IGFBP7: variants seen among roughly 807,000 people sequenced by gnomAD.
The protein encoded by IGFBP7 is insulin-like growth factor-binding protein 7.
In IGFBP7, 31 loss-of-function variants were observed where a neutral mutation model predicts 29.4. The ratio of observed to expected loss-of-function variants is 1.05; its 90% confidence interval spans 0.79 to 1.42. The LOEUF is 1.42. Among genes scored for constraint, IGFBP7 ranks in the 40% most tolerant of loss-of-function variants. The probability of loss-of-function intolerance (pLI) is 0.00; values close to 1 mark genes in which losing one functional copy is unlikely to be tolerated. For synonymous variants in IGFBP7, 172 were observed against 174.9 expected, an observed-to-expected ratio of 0.98 and a Z score of 0.13; for missense variants, 393 against 395.5, an observed-to-expected ratio of 0.99 and a Z score of 0.05.
chr4:57,098,869 C>G (rs1436331300), intron 1 of IGFBP7, among the ~76,000 whole-genome samples: 1 of 152,180 alleles, frequency 6.6e-6, no homozygotes, highest in Non-Finnish European at 1.5e-5. Context: ...GTTCCTGGAG[C>G]AGAAAGTTCT....
chr4:57,098,228 G>A (rs764528196), intron 1 of IGFBP7, among the ~76,000 whole-genome samples: 1 of 152,142 alleles, frequency 6.6e-6, no homozygotes, highest in Non-Finnish European at 1.5e-5. Context: ...GGACCGAGCA[G>A]GACTCACCAT....
At chr4:57,074,921 A>G (rs372907327) in intron 1 of IGFBP7, among the ~76,000 whole-genome samples, 66 of 152,336 alleles carry the variant, frequency 4.3e-4, no homozygotes, top group African/African-American at 1.6e-3. Context: ...GAGTTATTAA[A>G]TCTGGTTGGA....
At chr4:57,074,343 G>T (rs1725142962) in intron 1 of IGFBP7, among the ~76,000 whole-genome samples, 1 of 152,184 alleles carries the variant, frequency 6.6e-6, no homozygotes, top group Admixed American at 6.5e-5. Flanking sequence ...TTACAGGCGT[G>T]AGCCACCTCG....
chr4:57,038,873 C>T (rs1405932224), intron 2 of IGFBP7, among the ~76,000 whole-genome samples: 1 of 151,920 alleles, frequency 6.6e-6, no homozygotes, highest in African/African-American at 2.4e-5. Context: ...TCGAGACCAG[C>T]CTGACCAACA....
At chr4:57,036,703 A>G (rs563732778) in intron 2 of IGFBP7, among the ~76,000 whole-genome samples, 20 of 152,292 alleles carry the variant, frequency 1.3e-4, no homozygotes, top group Admixed American at 1.2e-3. Context: ...GGCTGTGCCA[A>G]CCGTAAGAAT....
chr4:57,099,280 C>A (rs1039406122), intron 1 of IGFBP7, among the ~76,000 whole-genome samples: 2 of 152,114 alleles, frequency 1.3e-5, no homozygotes, highest in Non-Finnish European at 2.9e-5. Flanking sequence ...CTTTTTTCTT[C>A]TCCCTCAAAA....
chr4:57,031,482 T>C (rs1723925554), intron 4 of IGFBP7, 146 bp from the exon 5 acceptor site: 1 of 662,558 alleles, frequency 1.5e-6, no homozygotes, highest in Non-Finnish European at 2.6e-6. Context: ...ATAAATGATA[T>C]GCTGGAGTGC....
chr4:57,048,486 G>A (rs183663980), intron 1 of IGFBP7, among the ~76,000 whole-genome samples: 1 of 152,308 alleles, frequency 6.6e-6, no homozygotes, highest in Admixed American at 6.5e-5. Flanking sequence ...TTTTATAGAT[G>A]GATGGATTTA....
intron 1 of IGFBP7, among the ~76,000 whole-genome samples, chr4:57,041,687 C>A (rs369856835): frequency 1.4e-3 from 211 of 152,200 alleles, no homozygotes; most frequent in Non-Finnish European, 2.6e-3. Context: ...AGGCGTGCAC[C>A]ACCATGTCAG....
intron 1 of IGFBP7, among the ~76,000 whole-genome samples, chr4:57,074,582 C>T (rs1227686670): frequency 2.6e-5 from 4 of 152,128 alleles, no homozygotes; most frequent in African/African-American, 9.7e-5. Flanking sequence ...TCACTTTTGC[C>T]CAGACTCTCC....
intron 1 of IGFBP7, among the ~76,000 whole-genome samples, chr4:57,077,952 T>C (rs181642285): frequency 1.3e-5 from 2 of 152,322 alleles, no homozygotes; most frequent in Admixed American, 1.3e-4. Flanking sequence ...AAATCGGCAC[T>C]ATTACTTACA....
rs1051276112 is a variant in IGFBP7, at chr4:57,106,290, T to C, written c.475+3587A>G. 3.9e-5 allele frequency among the ~76,000 whole-genome samples: 6 copies of C among 152,156 alleles called. No individual in the cohort carries two copies. In the East Asian group the frequency reaches 9.6e-4, roughly 24 times the overall value. ...TGTCATAAAAGGTTTGGGGGCGACA[T>C]ACCTCACACATGTGTATGAACACTC... On this transcript the variant is annotated intron_variant, in intron 1 of 4. Transcript: ENST00000295666.
intron 1 of IGFBP7, among the ~76,000 whole-genome samples, chr4:57,045,610 T>C (rs1265271543): frequency 1.3e-5 from 2 of 152,178 alleles, no homozygotes; most frequent in African/African-American, 2.4e-5. Context: ...TTCAACATTC[T>C]TTCCAGTACT....
intron 1 of IGFBP7, among the ~76,000 whole-genome samples, chr4:57,057,457 T>G (rs572234800): frequency 6.6e-6 from 1 of 152,376 alleles, no homozygotes; most frequent in East Asian, 1.9e-4. Flanking sequence ...AGTTCTGGCC[T>G]TGGAGATTTT....
intron 1 of IGFBP7, among the ~76,000 whole-genome samples, chr4:57,088,440 T>C (rs766927777): frequency 3.9e-5 from 6 of 152,190 alleles, no homozygotes; most frequent in Admixed American, 6.5e-5. Flanking sequence ...CTCCATATAA[T>C]ACCATCCAAT....
At chr4:57,053,019 CTTTTT>C (rs60116761) in intron 1 of IGFBP7, among the ~76,000 whole-genome samples, 2 of 141,106 alleles carry the variant, frequency 1.4e-5, no homozygotes, top group South Asian at 2.2e-4. Context: ...TCTTTTCTAT[CTTTTT>C]TTTTTTTTTT....
chr4:57,032,261 T>C (rs920360539), intron 4 of IGFBP7, 165 bp downstream of exon 4: 32 of 1,419,358 alleles, frequency 2.3e-5, no homozygotes, highest in South Asian at 2.0e-4. Context: ...AGATAATCTT[T>C]TGGAGTCTCA....
At chr4:57,034,285 G>C (rs757763820) in intron 2 of IGFBP7, among the ~76,000 whole-genome samples, 1 of 151,630 alleles carries the variant, frequency 6.6e-6, no homozygotes, top group Non-Finnish European at 1.5e-5. Context: ...GTAGCTCCTC[G>C]ATACATATAC....
chr4:57,042,646 C>A (rs551663987), intron 1 of IGFBP7, among the ~76,000 whole-genome samples: 176 of 152,280 alleles, frequency 1.2e-3, no homozygotes, highest in African/African-American at 4.1e-3. Context: ...CTATGCCCGG[C>A]CTGCAGTTTC....
Sources: allele counts gnomAD v4.1 joint callset (sites outside exome capture counted in the v4.1 genomes callset), GRCh38; gene constraint gnomAD v4.1.1; transcripts MANE v1.5; gene names NCBI Gene and HGNC (gene_info 2026-07-23, HGNC 2026-07-21).